The following HCK variants were observed in gnomAD, a reference collection of about 807,000 sequenced individuals.
The protein encoded by HCK is tyrosine-protein kinase HCK.
HCK carries 40 observed loss-of-function variants against 70.4 expected under a neutral mutation model. That is an observed-to-expected ratio of 0.57 (90% CI 0.44 to 0.74). The LOEUF is 0.74. HCK is among the 30% of genes least tolerant of loss of function. The pLI, the probability that HCK is intolerant of heterozygous loss-of-function variation, is 0.00. For missense variants in HCK, 568 were observed against 697.2 expected, an observed-to-expected ratio of 0.81 and a Z score of 2.09; for synonymous variants, 245 against 263.2, an observed-to-expected ratio of 0.93 and a Z score of 0.67.
chr20:32,090,730 G>A (rs569885219), intron 10 of HCK, among the ~76,000 whole-genome samples: 44 of 152,202 alleles, frequency 2.9e-4, no homozygotes, highest in Middle Eastern at 3.4e-3. Context: ...TTATCAACCC[G>A]CAGTGCTTAC....
At chr20:32,067,275 C>T (rs1260806312) in intron 1 of HCK, among the ~76,000 whole-genome samples, 1 of 152,116 alleles carries the variant, frequency 6.6e-6, no homozygotes, top group Non-Finnish European at 1.5e-5. Flanking sequence ...CAAGTGTACA[C>T]TTCAGTGGTA....
intron 2 of HCK, 83 bp downstream of exon 2, chr20:32,071,865 G>A: frequency 2.0e-6 from 3 of 1,524,932 alleles, no homozygotes; most frequent in Non-Finnish European, 2.7e-6. Flanking sequence ...TCTTCCCAAG[G>A]TTGGGCAGGG....
At chr20:32,094,821 GAAAGAAAGAA>G (rs1181469046) in intron 11 of HCK, among the ~76,000 whole-genome samples, 6 of 142,298 alleles carry the variant, frequency 4.2e-5, no homozygotes, top group Non-Finnish European at 7.6e-5. Context: ...AAGAAAGAAA[GAAAGAAAGAA>G]AGAAAGAAAG....
chr20:32,052,805 T>TGGGGG (rs776706589), intron 1 of HCK, among the ~76,000 whole-genome samples: 14 of 133,540 alleles, frequency 1.0e-4, no homozygotes, highest in Non-Finnish European at 1.5e-4. Flanking sequence ...GGATTTTTTT[T>TGGGGG]TTAATTTAAA....
At chr20:32,079,399 G>C (rs1359368397) in intron 5 of HCK, among the ~76,000 whole-genome samples, 4 of 152,152 alleles carry the variant, frequency 2.6e-5, no homozygotes, top group Non-Finnish European at 4.4e-5. Flanking sequence ...TAAGACTGCT[G>C]TCTGTTTCCA....
At chr20:32,073,294 C>T in intron 2 of HCK, 25 bp from the exon 3 acceptor site, 1 of 1,605,526 alleles carries the variant, frequency 6.2e-7, no homozygotes, top group African/African-American at 1.3e-5. Context: ...CAGATTCATT[C>T]TCTTCTCTCA....
intron 1 of HCK, among the ~76,000 whole-genome samples, chr20:32,062,567 C>G (rs1165940977): frequency 6.6e-6 from 1 of 152,174 alleles, no homozygotes; most frequent in Non-Finnish European, 1.5e-5. Context: ...CTCTGTCGCT[C>G]GCCATCGTGT....
intron 10 of HCK, among the ~76,000 whole-genome samples, chr20:32,090,947 A>C (rs1455016369): frequency 6.6e-6 from 1 of 152,110 alleles, no homozygotes; most frequent in East Asian, 1.9e-4. Context: ...TAAATACTTA[A>C]CTATGTGCCA....
At chr20:32,063,690 T>C (rs2045413184) in intron 1 of HCK, among the ~76,000 whole-genome samples, 2 of 152,144 alleles carry the variant, frequency 1.3e-5, no homozygotes, top group African/African-American at 4.8e-5. Context: ...GGGAGGTCTT[T>C]GCCATCAGCC....
At chr20:32,096,383 G>C (rs1384604392) in intron 11 of HCK, among the ~76,000 whole-genome samples, 1 of 151,458 alleles carries the variant, frequency 6.6e-6, no homozygotes, top group East Asian at 2.0e-4. Context: ...TGTAGTCCCA[G>C]CTACTCGGGA....
At chr20:32,074,814 C>G in intron 5 of HCK, 93 bp downstream of exon 5, 1 of 807,798 alleles carries the variant, frequency 1.2e-6, no homozygotes, top group South Asian at 1.5e-5. Flanking sequence ...GTACCACTGC[C>G]TGGCACATAC....
intron 1 of HCK, among the ~76,000 whole-genome samples, chr20:32,063,950 G>A (rs535174840): frequency 1.7e-4 from 26 of 149,506 alleles, no homozygotes; most frequent in African/African-American, 5.9e-4. Context: ...CCAAGGGCTG[G>A]CTCTCGTTGG....
Position 32,075,623 on chromosome 20 carries a change from C to T in HCK, c.428+902C>T, listed in dbSNP as rs17093810. On this transcript the variant is annotated intron_variant, in intron 5 of 12. Transcript: ENST00000375852. ...TACCCTCAAGGAGCTCTCCATAACC[C>T]ATCGTTCTTGGCTGTGGGTTCTTCT... Among the ~76,000 whole-genome samples, 2,546 of 152,260 alleles carry T rather than the reference C, an allele frequency of 0.017. 139 individuals are homozygous for T. The East Asian group carries it at 0.2, about 12-fold the overall frequency.
intron 2 of HCK, among the ~76,000 whole-genome samples, chr20:32,072,911 G>T (rs974509336): frequency 6.6e-6 from 1 of 152,082 alleles, no homozygotes; most frequent in African/African-American, 2.4e-5. Context: ...GACCAGCCGG[G>T]CCAACATGGT....
At chr20:32,094,599 G>C (rs2045908509) in intron 11 of HCK, among the ~76,000 whole-genome samples, 1 of 151,480 alleles carries the variant, frequency 6.6e-6, no homozygotes, top group African/African-American at 2.4e-5. Context: ...AGGGTGAGAG[G>C]ATCACTTGAG....
At chr20:32,077,168 C>T (rs754229021) in intron 5 of HCK, among the ~76,000 whole-genome samples, 6 of 152,208 alleles carry the variant, frequency 3.9e-5, no homozygotes, top group Non-Finnish European at 8.8e-5. Flanking sequence ...AATCAAGAAA[C>T]TGCTAACAGA....
At chr20:32,075,698 C>CCATT (rs1375699039) in intron 5 of HCK, among the ~76,000 whole-genome samples, 82 of 148,320 alleles carry the variant, frequency 5.5e-4, no homozygotes, top group African/African-American at 1.9e-3. Flanking sequence ...ATCCATCCAT[C>CCATT]CATCCATTCA....
Position 32,088,583 on chromosome 20 carries a change from T to A in HCK, c.1031T>A (p.Phe344Tyr). Residue 344 changes from phenylalanine (F) to tyrosine (Y), a missense_variant, in exon 10 of 13, where the codon TTT (phenylalanine) becomes TAT (tyrosine). Transcript: ENST00000375852. ...CCCCATATAGGAAGCTTGCTGGACT[T>A]TCTGAAAAGTGATGAGGGCAGCAAG... The A allele has an allele frequency of 6.2e-7, 1 of 1,613,740 alleles. No individual in the cohort carries two copies. The highest frequency in any genetic ancestry group is 8.5e-7 in the Non-Finnish European group (1 of 1,179,932).
At chr20:32,090,757 C>T (rs1362142255) in intron 10 of HCK, among the ~76,000 whole-genome samples, 1 of 152,152 alleles carries the variant, frequency 6.6e-6, no homozygotes, top group Non-Finnish European at 1.5e-5. Flanking sequence ...GCCCAATAAA[C>T]CTACTCGTTA....
Sources: gnomAD v4.1 joint callset for allele counts (sites outside exome capture counted in the v4.1 genomes callset) on GRCh38, gnomAD v4.1.1 for gene constraint, MANE v1.5 for transcripts, NCBI Gene and HGNC (gene_info 2026-07-23, HGNC 2026-07-21) for gene names.